The following DGLUCY variants were observed in gnomAD, a reference collection of about 807,000 sequenced individuals.
DGLUCY encodes D-glutamate cyclase, mitochondrial.
Under a neutral mutation model 58.5 loss-of-function variants are expected in DGLUCY, and 58 were observed. The observed-to-expected ratio is 0.99, with a 90% CI of 0.80 to 1.23. The LOEUF is 1.23. DGLUCY is among the 50% of genes most tolerant of loss of function. DGLUCY has a pLI of 0.00. For missense variants in DGLUCY, 779 were observed against 784.7 expected, an observed-to-expected ratio of 0.99 and a Z score of 0.09; for synonymous variants, 325 against 314.1, an observed-to-expected ratio of 1.03 and a Z score of -0.37.
At chr14:91,155,849 C>G (rs934261961) in intron 1 of DGLUCY, among the ~76,000 whole-genome samples, 1 of 151,770 alleles carries the variant, frequency 6.6e-6, no homozygotes, top group Non-Finnish European at 1.5e-5. Context: ...AGCCTCTCTT[C>G]CATCAGGGCC....
At chr14:91,088,764 CAT>C (rs33956197) in intron 1 of DGLUCY, among the ~76,000 whole-genome samples, 6,853 of 152,292 alleles carry the variant, frequency 0.045, 481 homozygotes, top group African/African-American at 0.15. Context: ...TGAACACAGA[CAT>C]GTGTACATAC....
Position 91,176,038 on chromosome 14 carries a change from G to A in DGLUCY, c.712G>A (p.Gly238Arg), listed in dbSNP as rs770513216. 13 of 1,613,928 alleles carry A rather than the reference G, an allele frequency of 8.1e-6. No homozygotes were observed. Among genetic ancestry groups the A allele is most frequent in the East Asian group, 2.2e-5 (1 of 44,868 alleles). Residue 238 changes from glycine to arginine, a missense_variant, in exon 7 of 14, where the codon GGA (glycine) becomes AGA (arginine). Physicochemically the swap from Gly to Arg is moderately radical, Grantham distance 125 (BLOSUM62 -2). Coordinates refer to ENST00000256324, the MANE Select transcript of DGLUCY (RefSeq NM_001102368.3). Reference protein sequence around the residue: ...VFWPSPLTSLGAVSSCETPLA... With the variant: ...VFWPSPLTSLRAVSSCETPLA... ...CTGGCCTTCTCCGCTGACCAGTCTCGGAGCTGTCAGCAGCTGTGGTACGTT... is the reference window on the plus strand; with the variant it reads ...CTGGCCTTCTCCGCTGACCAGTCTCAGAGCTGTCAGCAGCTGTGGTACGTT...
At chr14:91,192,332 G>A (rs1378518191) in intron 9 of DGLUCY, among the ~76,000 whole-genome samples, 1 of 152,200 alleles carries the variant, frequency 6.6e-6, no homozygotes, top group Non-Finnish European at 1.5e-5. Context: ...GTGGTTGCCA[G>A]TGGCTGGGAG....
At chr14:91,213,700 T>TTGTTTGTG (rs1158278444) in intron 12 of DGLUCY, among the ~76,000 whole-genome samples, 1 of 151,556 alleles carries the variant, frequency 6.6e-6, no homozygotes, top group African/African-American at 2.4e-5. Context: ...GATTGTTTGT[T>TTGTTTGTG]TGTTTGTTTG....
At chr14:91,111,754 A>G (rs1165227433), upstream of DGLUCY, among the ~76,000 whole-genome samples, 2 of 152,222 alleles carry the variant, frequency 1.3e-5, no homozygotes, top group East Asian at 1.9e-4. Flanking sequence ...ATGTCAATGC[A>G]TGAATTTTGG....
chr14:91,091,522 A>G (rs962964400), intron 1 of DGLUCY, among the ~76,000 whole-genome samples: 3 of 152,174 alleles, frequency 2.0e-5, no homozygotes, highest in African/African-American at 4.8e-5. Flanking sequence ...ATAAATAAAT[A>G]AATGAAATAA....
intron 12 of DGLUCY, among the ~76,000 whole-genome samples, chr14:91,212,106 T>A (rs979440171): frequency 3.3e-5 from 5 of 152,196 alleles, no homozygotes; most frequent in African/African-American, 9.6e-5. Context: ...TCTGGCTGAT[T>A]ATGACTTTTT....
chr14:91,155,128 T>G (rs1365662603), intron 1 of DGLUCY, among the ~76,000 whole-genome samples: 1 of 152,190 alleles, frequency 6.6e-6, no homozygotes. Flanking sequence ...GTGTTATAGT[T>G]AACTATTTAC....
In DGLUCY at chr14:91,190,575, C is replaced by T. The variant is rs188877729; in HGVS notation, c.1195+1405C>T. ...CCAGAATTCAGGTTGATGATGAGGG[C>T]GTGAGGCTTGGGCTGGCTGAGGGAA... On this transcript the variant is annotated intron_variant, in intron 9 of 13. Transcript: ENST00000256324. 7.9e-5 allele frequency among the ~76,000 whole-genome samples: 12 copies of T among 151,936 alleles called. No homozygotes were observed. The South Asian group carries it at 1.5e-3, about 18-fold the overall frequency.
At chr14:91,156,210 T>A (rs934631618) in intron 1 of DGLUCY, among the ~76,000 whole-genome samples, 3 of 151,544 alleles carry the variant, frequency 2.0e-5, no homozygotes, top group South Asian at 4.2e-4. Context: ...GCCTCCCAGG[T>A]TCAAGTGATT....
At chr14:91,205,945 T>C (rs1277527136) in intron 12 of DGLUCY, among the ~76,000 whole-genome samples, 3 of 146,296 alleles carry the variant, frequency 2.1e-5, no homozygotes, top group Non-Finnish European at 4.5e-5. Context: ...GTTAAAGCGA[T>C]TCTCCTGCCT....
intron 12 of DGLUCY, 150 bp downstream of exon 12, chr14:91,204,975 T>G: frequency 9.8e-7 from 1 of 1,018,388 alleles, no homozygotes. Context: ...CCTATGACCT[T>G]TCATTCAGTC....
At chr14:91,152,831 ATCT>A (rs1566969214) in intron 1 of DGLUCY, among the ~76,000 whole-genome samples, 1 of 152,160 alleles carries the variant, frequency 6.6e-6, no homozygotes, top group Non-Finnish European at 1.5e-5. Flanking sequence ...AAATAATAGG[ATCT>A]TCTTGACTGG....
intron 9 of DGLUCY, among the ~76,000 whole-genome samples, chr14:91,190,180 G>A (rs2049792565): frequency 6.6e-6 from 1 of 151,400 alleles, no homozygotes; most frequent in African/African-American, 2.4e-5. Context: ...GTAGAGACGG[G>A]GTTTCACCGT....
intron 13 of DGLUCY, 84 bp downstream of exon 13, chr14:91,215,640 G>C: frequency 6.2e-7 from 1 of 1,605,160 alleles, no homozygotes; most frequent in Non-Finnish European, 8.5e-7. Context: ...GCCGTAAGCC[G>C]AGGGCTGGCA....
At chr14:91,102,876 C>T (rs1169227250) in intron 1 of DGLUCY, among the ~76,000 whole-genome samples, 1 of 151,838 alleles carries the variant, frequency 6.6e-6, no homozygotes, top group Non-Finnish European at 1.5e-5. Flanking sequence ...ATTCTCCTGC[C>T]TCAGCCTCCC....
chr14:91,068,108 CACACACA>C (rs1566928265), intron 1 of DGLUCY, among the ~76,000 whole-genome samples: 2,702 of 152,106 alleles, frequency 0.018, 65 homozygotes, highest in African/African-American at 0.063. Flanking sequence ...CACACACACA[CACACACA>C]CCCCTTGCAT....
At chr14:91,104,452 G>A (rs561073057), upstream of DGLUCY, among the ~76,000 whole-genome samples, 3 of 152,186 alleles carry the variant, frequency 2.0e-5, no homozygotes, top group African/African-American at 7.2e-5. Context: ...CATCTACAAT[G>A]CATAGGACAG....
intron 1 of DGLUCY, among the ~76,000 whole-genome samples, chr14:91,071,173 A>G (rs1339660500): frequency 6.6e-6 from 1 of 151,606 alleles, no homozygotes; most frequent in Non-Finnish European, 1.5e-5. Context: ...TCTACTAAAA[A>G]TACAAAAAAA....
Sources: allele counts gnomAD v4.1 joint callset (sites outside exome capture counted in the v4.1 genomes callset), GRCh38; gene constraint gnomAD v4.1.1; transcripts MANE v1.5; gene names NCBI Gene and HGNC (gene_info 2026-07-23, HGNC 2026-07-21).